Variants in IVNS1ABP observed in about 807,000 individuals in gnomAD.
IVNS1ABP encodes the protein influenza virus NS1A-binding protein.
A neutral mutation model predicts 78.9 loss-of-function variants in IVNS1ABP; 25 were observed. The observed-to-expected ratio is 0.32, with a 90% confidence interval of 0.23 to 0.44. The LOEUF is 0.44. Among genes scored for constraint, IVNS1ABP ranks in the 20% least tolerant of loss-of-function variants. The pLI is 1.00. For synonymous variants in IVNS1ABP, 241 were observed against 259.7 expected, an observed-to-expected ratio of 0.93 and a Z score of 0.69; for missense variants, 494 against 768.9, an observed-to-expected ratio of 0.64 and a Z score of 4.23.
Position 185,317,151 on chromosome 1 carries a change from C to T in IVNS1ABP, c.-445G>A. ...CACCGAGAACTCGCGGGAACTCGCT[C>T]GCTCGCCGATACAGCCGCGCCGAAG... On this transcript the variant is annotated 5_prime_UTR_variant, in exon 1 of 15. Transcript: ENST00000367498. 1 of 398,444 alleles carries T rather than the reference C, an allele frequency of 2.5e-6. No homozygotes were observed. Among genetic ancestry groups the T allele is most frequent in the Non-Finnish European group, 4.4e-6 (1 of 226,088 alleles). The allele number at this position is 398,444 out of a possible 1,614,324, so 24.7% of individuals were successfully genotyped here. A position where few individuals can be genotyped will look rare whatever the true frequency, so the allele number is the denominator to read the frequency against.
rs932076446 is a variant in IVNS1ABP, at chr1:185,311,284, T to C, written c.-208A>G. 2.5e-6 allele frequency: 1 copy of C among 397,940 alleles called. No individual in the cohort carries two copies. Among genetic ancestry groups the C allele is most frequent in the Admixed American group, 4.4e-5 (1 of 22,728 alleles). The allele number at this position is 397,940 out of a possible 1,614,324, so 24.7% of individuals were successfully genotyped here. On this transcript the variant is annotated 5_prime_UTR_variant, in exon 2 of 15. Transcript: ENST00000367498. Reference sequence around the variant, plus strand: ...GATGTAATCAAGTCCTTAAAAGCTATAGACACGAATTTCTTCTGTGATAAT... The same window carrying C: ...GATGTAATCAAGTCCTTAAAAGCTACAGACACGAATTTCTTCTGTGATAAT...
chr1:185,301,333 G>C lies in IVNS1ABP; in HGVS notation c.895+101C>G. The C allele has an allele frequency of 3.4e-6, 5 of 1,491,938 alleles. No individual in the cohort carries two copies. The Admixed American group carries it at 9.1e-5, about 27-fold the overall frequency. The allele number at this position is 1,491,938 out of a possible 1,614,324, so 92.4% of individuals were successfully genotyped here. On this transcript the variant is annotated intron_variant, in intron 9 of 14. Coordinates refer to ENST00000367498, the MANE Select transcript of IVNS1ABP (RefSeq NM_006469.5). ...GTTTTCCAAATTTAATTGCTTCTGA[G>C]TTTTTTCCTCGAGTAGTCAATTTAA...
Position 185,308,660 on chromosome 1 carries a change from A to G in IVNS1ABP, c.357+140T>C, listed in dbSNP as rs1665803590. ...ACATTATTATAGCCAAACAGTTAAAATAACATATTGACTACTCTGAGGGAA... is the reference window on the plus strand; with the variant it reads ...ACATTATTATAGCCAAACAGTTAAAGTAACATATTGACTACTCTGAGGGAA... On this transcript the variant is annotated intron_variant, in intron 5 of 14. Transcript: ENST00000367498. 3 of 662,832 alleles carry G rather than the reference A, an allele frequency of 4.5e-6. No homozygotes were observed. The African/African-American group carries it at 5.5e-5, about 12-fold the overall frequency. The allele number at this position is 662,832 out of a possible 1,614,324, so 41.1% of individuals were successfully genotyped here. A position where few individuals can be genotyped will look rare whatever the true frequency, so the allele number is the denominator to read the frequency against.
Position 185,298,102 on chromosome 1 carries a change from T to C in IVNS1ABP, c.1862A>G (p.Asn621Ser). The change falls in exon 15 of 15, where the codon AAT (asparagine) becomes AGT (serine). Residue 621 changes from asparagine (N) to serine (S), a missense_variant. By Grantham distance (46) the Asn-to-Ser change is conservative (BLOSUM62 1). Coordinates refer to ENST00000367498, the MANE Select transcript of IVNS1ABP (RefSeq NM_006469.5). This position sits in a 1 kb window ranked among gnomAD's most constrained non-coding sequence, Gnocchi z 4.1. Reference sequence around the variant, plus strand: ...CTCAAGGTTATAGACTTCCACCGTATTCAGAAATTCATTGCCATCGAATCC... The same window carrying C: ...CTCAAGGTTATAGACTTCCACCGTACTCAGAAATTCATTGCCATCGAATCC... ...VGGFDGNEFL[N>S]TVEVYNLESN... The C allele has an allele frequency of 6.2e-7, 1 of 1,613,710 alleles. No individual in the cohort carries two copies. Among genetic ancestry groups the C allele is most frequent in the Non-Finnish European group, 8.5e-7 (1 of 1,179,744 alleles).
Position 185,309,474 on chromosome 1 carries a change from A to G in IVNS1ABP, c.20T>C (p.Leu7Ser), listed in dbSNP as rs369017935. 6.2e-7 allele frequency: 1 copy of G among 1,603,876 alleles called. No individual in the cohort carries two copies. Among genetic ancestry groups the G allele is most frequent in the African/African-American group, 1.3e-5 (1 of 74,566 alleles). The change falls in exon 3 of 15, where the codon TTG becomes TCG. Residue 7 changes from leucine (L) to serine (S), a missense_variant. Physicochemically the swap from Leu to Ser is moderately radical, Grantham distance 145. Transcript: ENST00000367498. MIPNGY[L>S]MFEDENFIES... ...AATAAAATTTTCATCCTCAAACATCAAATATCCATTGGGAATCATTTTTCC... is the reference window on the plus strand; with the variant it reads ...AATAAAATTTTCATCCTCAAACATCGAATATCCATTGGGAATCATTTTTCC...
At chr1:185,306,433 C>G in intron 7 of IVNS1ABP, 1 of 1,274,426 alleles carries the variant, frequency 7.8e-7, no homozygotes, top group Non-Finnish European at 1.0e-6. Context: ...TGAACAACAC[C>G]ATTGAAAAAC....
chr1:185,307,509 G>A lies in IVNS1ABP; in HGVS notation c.511C>T (p.Leu171Phe), dbSNP rs994343958. The A allele has an allele frequency of 6.2e-7, 1 of 1,612,606 alleles. No individual in the cohort carries two copies. The highest frequency in any genetic ancestry group is 1.3e-5 in the African/African-American group (1 of 74,826). Residue 171 changes from leucine (L) to phenylalanine (F), a missense_variant, in exon 6 of 15, where the codon CTT becomes TTT. Transcript: ENST00000367498. ...LLQISEEEEF[L>F]KLPRLKLEVM... is the part of the protein sequence containing the mutation. ...CTTACCTTTAGCCTTGGAAGCTTAA[G>A]AAACTCCTCCTCTTCAGAAATTTGT...
intron 13 of IVNS1ABP, 31 bp from the exon 14 acceptor site, chr1:185,299,914 T>A: frequency 6.2e-7 from 1 of 1,612,940 alleles, no homozygotes; most frequent in Non-Finnish European, 8.5e-7. Context: ...AGATTATTGC[T>A]ACATCTCCCA....
chr1:185,315,961 A>T lies in IVNS1ABP; in HGVS notation c.-247+992T>A, dbSNP rs561128545. Reference sequence around the variant, plus strand: ...TTTTGGACATCTGATTTCTCCTTGAAATGTCAGCTGTCTCAAACCAATAGA... The same window carrying T: ...TTTTGGACATCTGATTTCTCCTTGATATGTCAGCTGTCTCAAACCAATAGA... On this transcript the variant is annotated intron_variant, in intron 1 of 14. Coordinates refer to ENST00000367498, the MANE Select transcript of IVNS1ABP (RefSeq NM_006469.5). Among the ~76,000 whole-genome samples the T allele has an allele frequency of 1.2e-4, 18 of 152,248 alleles. No individual in the cohort carries two copies. The East Asian group carries it at 3.1e-3, about 26-fold the overall frequency.
At chr1:185,301,641 A>AACACTGAGTATCCT in intron 8 of IVNS1ABP, 78 bp from the exon 9 acceptor site, 1 of 1,492,144 alleles carries the variant, frequency 6.7e-7, no homozygotes, top group Non-Finnish European at 9.3e-7. Context: ...GCTATTCCAC[A>AACACTGAGTATCCT]ACACTGAGTA....
In IVNS1ABP at chr1:185,305,102, C is replaced by A. The variant is rs1289465667; in HGVS notation, c.765+434G>T. On this transcript the variant is annotated intron_variant, in intron 8 of 14. Transcript: ENST00000367498. This position sits in a 1 kb window ranked among gnomAD's most constrained non-coding sequence, Gnocchi z 4.0. Reference sequence around the variant, plus strand: ...TATTACATTGTATAGTCCATCTTAACTATACCATTTCTAATTTCCAGTAAG... The same window carrying A: ...TATTACATTGTATAGTCCATCTTAAATATACCATTTCTAATTTCCAGTAAG... 1.3e-5 allele frequency among the ~76,000 whole-genome samples: 2 copies of A among 152,108 alleles called. No individual in the cohort carries two copies. The highest frequency in any genetic ancestry group is 1.9e-4 in the East Asian group (1 of 5,190).
chr1:185,300,231 T>C lies in IVNS1ABP; in HGVS notation c.1355A>G (p.Asn452Ser). The C allele has an allele frequency of 6.2e-7, 1 of 1,613,220 alleles. No individual in the cohort carries two copies. ...ACTATTATTACCTGCATTACAACGGTTAGTTCTCAATTCTGGAACAGGAAT... is the reference window on the plus strand; with the variant it reads ...ACTATTATTACCTGCATTACAACGGCTAGTTCTCAATTCTGGAACAGGAAT... ...DWIPVPELRT[N>S]RCNAGVCALN... is the part of the protein sequence containing the mutation. The change falls in exon 12 of 15, where the codon AAC becomes AGC. Residue 452 changes from asparagine to serine, a missense_variant. Asn to Ser is a conservative substitution (Grantham distance 46, BLOSUM62 1). Coordinates refer to ENST00000367498, the MANE Select transcript of IVNS1ABP (RefSeq NM_006469.5).
Position 185,297,122 on chromosome 1 carries a change from A to G in IVNS1ABP, c.*913T>C, listed in dbSNP as rs1266016782. The G allele has an allele frequency of 6.6e-6, 1 of 152,178 alleles. No individual in the cohort carries two copies. The highest frequency in any genetic ancestry group is 1.5e-5 in the Non-Finnish European group (1 of 68,018). The allele number at this position is 152,178 out of a possible 1,614,324, so 9.4% of individuals were successfully genotyped here. A position where few individuals can be genotyped will look rare whatever the true frequency, so the allele number is the denominator to read the frequency against. On this transcript the variant is annotated 3_prime_UTR_variant, in exon 15 of 15. Coordinates refer to ENST00000367498, the MANE Select transcript of IVNS1ABP (RefSeq NM_006469.5). ...GTAGTTTAAAGTAAATTTTTTCACA[A>G]TTGAGGGCTGCTATTTAGGACTGTT... is the stretch of plus-strand genomic sequence containing the variant.
chr1:185,309,621 A>G, intron 2 of IVNS1ABP, 110 bp from the exon 3 acceptor site: 2 of 628,758 alleles, frequency 3.2e-6, no homozygotes. Context: ...TCCTATAAAC[A>G]ACACATAAAA....
chr1:185,307,678 T>A lies in IVNS1ABP; in HGVS notation c.358-16A>T. On this transcript the variant is annotated splice_polypyrimidine_tract_variant and intron_variant, in intron 5 of 14. Transcript: ENST00000367498. ...CACCACAAACCTTGGAAAAGAAATA[T>A]ATGAGTGCCAACACTTACATATCTT... is the stretch of plus-strand genomic sequence containing the variant. 6.2e-7 allele frequency: 1 copy of A among 1,607,660 alleles called. No individual in the cohort carries two copies. Among genetic ancestry groups the A allele is most frequent in the South Asian group, 1.1e-5 (1 of 90,550 alleles).
chr1:185,306,205 G>T, intron 7 of IVNS1ABP: 1 of 183,600 alleles, frequency 5.4e-6, no homozygotes, highest in Non-Finnish European at 1.2e-5. Flanking sequence ...AAGATAATCT[G>T]TTAGCCCTTT....
In IVNS1ABP at chr1:185,300,530, T is replaced by A. The variant is rs1665547938; in HGVS notation, c.1149A>T (p.Arg383=). 1 of 1,613,338 alleles carries A rather than the reference T, an allele frequency of 6.2e-7. No individual in the cohort carries two copies. Among genetic ancestry groups the A allele is most frequent in the South Asian group, 1.1e-5 (1 of 91,064 alleles). The stretch of plus-strand genomic sequence containing the variant: ...TATGTGGATTATAGCATTCGACTGT[T>A]CGAAGACATTCCTCTCTGTTATAGC... ...AGGYNREECL[R]TVECYNPHTD... Residue 383 remains arginine (R), a synonymous_variant, in exon 11 of 15, where the codon CGA becomes CGT. Coordinates refer to ENST00000367498, the MANE Select transcript of IVNS1ABP (RefSeq NM_006469.5).
intron 5 of IVNS1ABP, 83 bp from the exon 6 acceptor site, chr1:185,307,745 G>A (rs1665776400): frequency 4.3e-6 from 6 of 1,392,332 alleles, no homozygotes; most frequent in Non-Finnish European, 5.9e-6. Flanking sequence ...TAAAGACTAT[G>A]TGAAGATACA....
rs1182428906 is a variant in IVNS1ABP, at chr1:185,300,973, T to C, written c.1119A>G (p.Ala373=). 6.2e-7 allele frequency: 1 copy of C among 1,612,262 alleles called. No individual in the cohort carries two copies. The highest frequency in any genetic ancestry group is 8.5e-7 in the Non-Finnish European group (1 of 1,178,638). Residue 373 remains alanine, a splice_region_variant and synonymous_variant, in exon 10 of 15, where the codon GCA becomes GCG. Transcript: ENST00000367498. ...TAEMNGKLIA[A]GGYNREECLR... ...CCAGTTGAATGCTTCTGTTCTTACC[T>C]GCAGCTATGAGTTTGCCATTCATCT...
Sources: allele counts gnomAD v4.1 joint callset (sites outside exome capture counted in the v4.1 genomes callset), GRCh38; gene constraint gnomAD v4.1.1; non-coding constraint Gnocchi (gnomAD v3.1); transcripts MANE v1.5; gene names NCBI Gene and HGNC (gene_info 2026-07-23, HGNC 2026-07-21).